The following COL4A2 variants were observed in gnomAD, a reference collection of about 807,000 sequenced individuals.
COL4A2 encodes collagen alpha-2(IV) chain.
A neutral mutation model predicts 200.2 loss-of-function variants in COL4A2; 99 were observed. The ratio of observed to expected loss-of-function variants is 0.49; its 90% confidence interval spans 0.42 to 0.58. The LOEUF is 0.58. COL4A2 is among the 20% of genes least tolerant of loss of function. The pLI is 0.00. For missense variants in COL4A2, 1,950 were observed against 2,314.1 expected (o/e 0.84, Z 3.23); for synonymous variants, 897 against 900.6 (o/e 1.00, Z 0.07).
chr13:110,376,011 A>G (rs1878222703), intron 4 of COL4A2, among the ~76,000 whole-genome samples: 1 of 152,156 alleles, frequency 6.6e-6, no homozygotes, highest in African/African-American at 2.4e-5. Flanking sequence ...TGGGTGATTT[A>G]TACATCATTA....
rs1406323858 is a variant in COL4A2, at chr13:110,424,873, G to A, written c.315+5G>A. On this transcript the variant is annotated splice_donor_5th_base_variant and intron_variant, in intron 5 of 47. Coordinates refer to ENST00000360467, the MANE Select transcript of COL4A2 (RefSeq NM_001846.4). Reference sequence around the variant, plus strand: ...ACGGGACCCAAGGGCGACGTGGTACGCACCGCTGGTGTATTCCCCTGGCCT... The same window carrying A: ...ACGGGACCCAAGGGCGACGTGGTACACACCGCTGGTGTATTCCCCTGGCCT... 7 of 1,613,996 alleles carry A rather than the reference G, an allele frequency of 4.3e-6. No individual in the cohort carries two copies. The highest frequency in any genetic ancestry group is 1.3e-5 in the African/African-American group (1 of 74,930).
intron 4 of COL4A2, among the ~76,000 whole-genome samples, chr13:110,423,052 C>G (rs905995503): frequency 3.9e-5 from 6 of 152,006 alleles, no homozygotes; most frequent in African/African-American, 1.4e-4. Context: ...CCCCCTCAAT[C>G]TCAGGGCAAG....
At chr13:110,378,314 G>A (rs575005696) in intron 4 of COL4A2, among the ~76,000 whole-genome samples, 1 of 152,178 alleles carries the variant, frequency 6.6e-6, no homozygotes, top group South Asian at 2.1e-4. Flanking sequence ...GACAAGGGAG[G>A]ACAAAAGTTT....
chr13:110,454,554 GGACACGCAGCT>G (rs1881649189), intron 20 of COL4A2, among the ~76,000 whole-genome samples: 1 of 152,056 alleles, frequency 6.6e-6, no homozygotes, highest in Non-Finnish European at 1.5e-5. Flanking sequence ...ACAACTGACC[GGACACGCAGCT>G]GACCTGGTCA....
chr13:110,511,909 C>T, intron 47 of COL4A2, 25 bp from the exon 48 acceptor site: 1 of 1,613,058 alleles, frequency 6.2e-7, no homozygotes, highest in Non-Finnish European at 8.5e-7. Context: ...ATTCCTAACC[C>T]TGTCCTGCCC....
intron 4 of COL4A2, among the ~76,000 whole-genome samples, chr13:110,398,329 CAGAGA>C (rs1471216551): frequency 1.3e-5 from 2 of 152,052 alleles, no homozygotes; most frequent in Non-Finnish European, 2.9e-5. Context: ...AGCAAAAGAT[CAGAGA>C]TATAAGTGTA....
In COL4A2 at chr13:110,434,398, C is replaced by T. The variant is rs1482328875; in HGVS notation, c.685-3C>T. 6.2e-7 allele frequency: 1 copy of T among 1,612,052 alleles called. No individual in the cohort carries two copies. The highest frequency in any genetic ancestry group is 1.7e-5 in the Admixed American group (1 of 59,692). ...AACTTACAGAAATTATTTATCTTTTCAGGGCAACAGAGGACTTGGTTTCTA... is the reference window on the plus strand; with the variant it reads ...AACTTACAGAAATTATTTATCTTTTTAGGGCAACAGAGGACTTGGTTTCTA... On this transcript the variant is annotated splice_polypyrimidine_tract_variant and splice_region_variant and intron_variant, in intron 11 of 47. Transcript: ENST00000360467.
chr13:110,432,848 A>G (rs1362261362), intron 11 of COL4A2, among the ~76,000 whole-genome samples: 1 of 152,232 alleles, frequency 6.6e-6, no homozygotes, highest in Non-Finnish European at 1.5e-5. Flanking sequence ...CCAAAGCTGT[A>G]TACTGTTTTC....
At chr13:110,383,351 G>A (rs1164798799) in intron 4 of COL4A2, among the ~76,000 whole-genome samples, 2 of 152,192 alleles carry the variant, frequency 1.3e-5, no homozygotes, top group Non-Finnish European at 1.5e-5. Context: ...AATATTGCAA[G>A]CTAATCTTTT....
At chr13:110,475,970 G>A (rs547088878) in intron 29 of COL4A2, among the ~76,000 whole-genome samples, 4 of 152,352 alleles carry the variant, frequency 2.6e-5, no homozygotes, top group Non-Finnish European at 5.9e-5. Context: ...AGTCCTTGCC[G>A]GAGGATCGGG....
intron 6 of COL4A2, among the ~76,000 whole-genome samples, chr13:110,425,233 C>T (rs1447564582): frequency 6.6e-6 from 1 of 152,176 alleles, no homozygotes; most frequent in Non-Finnish European, 1.5e-5. Context: ...TGCTAAACTG[C>T]ACATTGTTTG....
At chr13:110,499,743 C>T (rs1883580915) in intron 40 of COL4A2, among the ~76,000 whole-genome samples, 1 of 152,208 alleles carries the variant, frequency 6.6e-6, no homozygotes, top group Non-Finnish European at 1.5e-5. Context: ...CGGTTTCCGT[C>T]TAGATTCCAG....
intron 3 of COL4A2, among the ~76,000 whole-genome samples, chr13:110,314,771 G>C (rs899011942): frequency 6.6e-6 from 1 of 152,180 alleles, no homozygotes; most frequent in Non-Finnish European, 1.5e-5. Context: ...CAGTACCCTC[G>C]TGCCCTCCTG....
rs1884832593 is a variant in COL4A2 at position 110,307,853 on chromosome 13, C to T, written c.-44-7C>T. ...TGCGCTAAACTCGCTTTGTCTGTCGCCTCTAGGCTAAGTGGGACTGACCGG... is the reference window on the plus strand; with the variant it reads ...TGCGCTAAACTCGCTTTGTCTGTCGTCTCTAGGCTAAGTGGGACTGACCGG... On this transcript the variant is annotated splice_region_variant and splice_polypyrimidine_tract_variant and intron_variant, in intron 1 of 47. Transcript: ENST00000360467. This position sits in a 1 kb window ranked among gnomAD's most constrained non-coding sequence, Gnocchi z 5.0. The T allele has an allele frequency of 6.3e-7, 1 of 1,586,210 alleles. No homozygotes were observed. Among genetic ancestry groups the T allele is most frequent in the African/African-American group, 1.3e-5 (1 of 74,418 alleles).
At chr13:110,504,720 C>T (rs1883781517) in intron 45 of COL4A2, among the ~76,000 whole-genome samples, 1 of 152,126 alleles carries the variant, frequency 6.6e-6, no homozygotes, top group African/African-American at 2.4e-5. Flanking sequence ...ATTCTCCTGT[C>T]TTAGCCTCCC....
Position 110,506,474 on chromosome 13 carries a change from A to G in COL4A2, c.4462A>G (p.Ile1488Val), listed in dbSNP as rs376670424. 5.6e-6 allele frequency: 9 copies of G among 1,612,376 alleles called. No individual in the cohort carries two copies. In the African/African-American group the frequency reaches 1.1e-4, roughly 19 times the overall value. ...GGGTATGCCAGGCCGCAGCGTCAGC[A>G]TCGGCTACCTCCTGGTGAAGCACAG... ...LPGMPGRSVS[I>V]GYLLVKHSQT... Residue 1488 changes from isoleucine to valine, a missense_variant, in exon 46 of 48, where the codon ATC (isoleucine) becomes GTC (valine). By Grantham distance (29) the Ile-to-Val change is conservative. Around this residue, in one of 2 missense-constraint regions of COL4A2, gnomAD observed 1,385 missense variants for 1,720.5 expected, o/e 0.80. Coordinates refer to ENST00000360467, the MANE Select transcript of COL4A2 (RefSeq NM_001846.4).
chr13:110,503,702 C>T (rs558444377), intron 43 of COL4A2, 145 bp from the exon 44 acceptor site: 6 of 988,470 alleles, frequency 6.1e-6, no homozygotes, highest in Admixed American at 4.7e-5. Context: ...GGCTCAGGCC[C>T]GTTAGTGTCT....
chr13:110,457,368 A>T lies in COL4A2; in HGVS notation c.1365A>T (p.Ala455=). The part of the protein sequence containing the change: ...PDGFLFGLKG[A]KGRAGFPGLP... The stretch of plus-strand genomic sequence containing the variant: ...GCTTCCTGTTTGGGCTGAAAGGAGC[A>T]AAAGGAAGAGCAGGCTTCCCTGGGC... The change falls in exon 21 of 48, where the codon GCA becomes GCT. Residue 455 remains alanine (A), a synonymous_variant. Coordinates refer to ENST00000360467, the MANE Select transcript of COL4A2 (RefSeq NM_001846.4). 1 of 1,613,292 alleles carries T rather than the reference A, an allele frequency of 6.2e-7. No homozygotes were observed.
At chr13:110,438,072 G>T (rs920416395) in intron 14 of COL4A2, 35 bp downstream of exon 14, 23 of 1,594,544 alleles carry the variant, frequency 1.4e-5, no homozygotes, top group Non-Finnish European at 1.9e-5. Flanking sequence ...CCTCCCCTGT[G>T]GCTCCTGGGC....
Sources: allele counts gnomAD v4.1 joint callset (sites outside exome capture counted in the v4.1 genomes callset), GRCh38; gene constraint gnomAD v4.1.1; regional missense constraint gnomAD v4.1.1; non-coding constraint Gnocchi (gnomAD v3.1); transcripts MANE v1.5; gene names NCBI Gene and HGNC (gene_info 2026-07-23, HGNC 2026-07-21).